USP25: variants seen among roughly 807,000 people sequenced by gnomAD.
USP25 encodes ubiquitin carboxyl-terminal hydrolase 25.
In USP25, 85 loss-of-function variants were observed where a neutral mutation model predicts 158.5. That is an observed-to-expected ratio of 0.54 (90% CI 0.45 to 0.64). The LOEUF is 0.64. USP25 is among the 30% of genes least tolerant of loss of function. USP25 has a pLI of 0.00. For missense variants in USP25, 1,242 were observed against 1,327.3 expected (o/e 0.94, Z 1.00); for synonymous variants, 464 against 460.4 (o/e 1.01, Z -0.10).
At chr21:15,764,009 A>C (rs1204725057) in intron 2 of USP25, among the ~76,000 whole-genome samples, 1 of 152,090 alleles carries the variant, frequency 6.6e-6, no homozygotes, top group Non-Finnish European at 1.5e-5. Context: ...TGCCACACTT[A>C]ATTTATGCTT....
chr21:15,809,759 T>C (rs1365335222), intron 8 of USP25, among the ~76,000 whole-genome samples: 1 of 152,150 alleles, frequency 6.6e-6, no homozygotes, highest in Non-Finnish European at 1.5e-5. Context: ...CAAATGTCCA[T>C]TGATAGGTGA....
rs1281288553 is a variant in USP25 at position 15,814,695 on chromosome 21, C to T, written c.931+3485C>T. 1.1e-4 allele frequency among the ~76,000 whole-genome samples: 16 copies of T among 152,076 alleles called. No individual in the cohort carries two copies. The East Asian group carries it at 1.2e-3, about 11-fold the overall frequency. On this transcript the variant is annotated intron_variant, in intron 9 of 25. Transcript: ENST00000400183. ...ACTTGAGAGAGATGATTTAAGATAT[C>T]GGTGGAAGAAATTTCTAAGCAGCAA...
At chr21:15,786,320 A>G (rs2035269963) in intron 4 of USP25, among the ~76,000 whole-genome samples, 1 of 152,158 alleles carries the variant, frequency 6.6e-6, no homozygotes, top group Admixed American at 6.5e-5. Flanking sequence ...CAAAAACTAG[A>G]CAAGGACACA....
chr21:15,804,234 A>G (rs1207472517), intron 6 of USP25, among the ~76,000 whole-genome samples: 1 of 151,858 alleles, frequency 6.6e-6, no homozygotes, highest in African/African-American at 2.4e-5. Context: ...TGCTTTGTGT[A>G]GTAAAAAGTT....
At chr21:15,830,207 A>G (rs1352889783) in intron 14 of USP25, among the ~76,000 whole-genome samples, 1 of 152,172 alleles carries the variant, frequency 6.6e-6, no homozygotes, top group East Asian at 1.9e-4. Context: ...TACTTGTGTT[A>G]TAGCAATATG....
intron 22 of USP25, among the ~76,000 whole-genome samples, chr21:15,868,992 C>A (rs974351661): frequency 3.9e-5 from 6 of 152,084 alleles, no homozygotes; most frequent in Non-Finnish European, 7.4e-5. Flanking sequence ...TGCTTATAAT[C>A]CCAGCACTTT....
chr21:15,811,227 A>G lies in USP25; in HGVS notation c.931+17A>G, dbSNP rs1432768243. ...TACTTGAAGGTAGAGTTATACATTT[A>G]CTTTTTATTGCAAGTGAAGAGAGAT... is the stretch of plus-strand genomic sequence containing the variant. On this transcript the variant is annotated intron_variant, in intron 9 of 25. Transcript: ENST00000400183. 1.3e-6 allele frequency: 2 copies of G among 1,591,222 alleles called. No individual in the cohort carries two copies. The highest frequency in any genetic ancestry group is 1.7e-6 in the Non-Finnish European group (2 of 1,167,616).
At chr21:15,860,973 T>TAG (rs376765181) in intron 20 of USP25, among the ~76,000 whole-genome samples, 5,789 of 142,308 alleles carry the variant, frequency 0.041, 125 homozygotes, top group Admixed American at 0.077. Context: ...TATATATATA[T>TAG]ATAGAGAGAG....
intron 10 of USP25, among the ~76,000 whole-genome samples, chr21:15,821,332 G>A (rs545578960): frequency 2.6e-5 from 4 of 152,022 alleles, no homozygotes; most frequent in Non-Finnish European, 5.9e-5. Context: ...AAATTAAATT[G>A]ATTTAATTAT....
intron 1 of USP25, among the ~76,000 whole-genome samples, chr21:15,760,769 C>T (rs1232584365): frequency 6.6e-6 from 1 of 152,044 alleles, no homozygotes; most frequent in African/African-American, 2.4e-5. Flanking sequence ...TTTTTCTCCC[C>T]AAACCATTTG....
chr21:15,825,849 A>T (rs920756487), intron 12 of USP25, among the ~76,000 whole-genome samples: 1 of 152,218 alleles, frequency 6.6e-6, no homozygotes, highest in African/African-American at 2.4e-5. Flanking sequence ...AGATAGGAGG[A>T]TAGTACACAT....
chr21:15,833,677 C>A, intron 17 of USP25, 129 bp downstream of exon 17: 1 of 830,304 alleles, frequency 1.2e-6, no homozygotes, highest in Non-Finnish European at 1.9e-6. Context: ...CAAATTCCAT[C>A]ACTCAGATTA....
intron 18 of USP25, among the ~76,000 whole-genome samples, chr21:15,846,938 G>GA (rs527307737): frequency 6.6e-6 from 1 of 151,760 alleles, no homozygotes; most frequent in East Asian, 1.9e-4. Flanking sequence ...ACAATAAAAA[G>GA]AAAAAAAGGA....
chr21:15,756,998 G>A (rs971246100), intron 1 of USP25, among the ~76,000 whole-genome samples: 1 of 152,142 alleles, frequency 6.6e-6, no homozygotes. Context: ...ACCATATTTA[G>A]GACATTTCCA....
chr21:15,821,423 A>G (rs1358206062), intron 10 of USP25, among the ~76,000 whole-genome samples: 2 of 151,976 alleles, frequency 1.3e-5, no homozygotes, highest in Non-Finnish European at 2.9e-5. Flanking sequence ...GGAATGAAGT[A>G]TAGTTAGAAG....
rs2032912034 is a variant in USP25 at position 15,750,353 on chromosome 21, C to T, written c.46-12538C>T. Among the ~76,000 whole-genome samples, 4 of 150,998 alleles carry T rather than the reference C, an allele frequency of 2.6e-5. No homozygotes were observed. The Admixed American group carries it at 2.7e-4, about 10-fold the overall frequency. Reference sequence around the variant, plus strand: ...TTCAAGCAATTCTTCTGTCAGCCTCCTGAGTAGGCTGGACTACAGGTGCAT... The same window carrying T: ...TTCAAGCAATTCTTCTGTCAGCCTCTTGAGTAGGCTGGACTACAGGTGCAT... On this transcript the variant is annotated intron_variant, in intron 1 of 25. Coordinates refer to ENST00000400183, the MANE Select transcript of USP25 (RefSeq NM_001283041.3).
At chr21:15,790,039 A>G (rs1298097481) in intron 4 of USP25, among the ~76,000 whole-genome samples, 2 of 152,040 alleles carry the variant, frequency 1.3e-5, no homozygotes, top group Non-Finnish European at 2.9e-5. Flanking sequence ...CTCCAATAGG[A>G]GAGTCAAGTT....
At chr21:15,778,306 T>C (rs1398315940) in intron 4 of USP25, among the ~76,000 whole-genome samples, 2 of 152,122 alleles carry the variant, frequency 1.3e-5, no homozygotes, top group African/African-American at 2.4e-5. Flanking sequence ...CTAATCTTTT[T>C]TGGATGCACT....
chr21:15,747,551 TTAG>T (rs1421915700), intron 1 of USP25, among the ~76,000 whole-genome samples: 2 of 152,112 alleles, frequency 1.3e-5, no homozygotes, highest in Admixed American at 6.5e-5. Flanking sequence ...AATTTATAAA[TTAG>T]TAGAGACTAA....
Sources: allele counts gnomAD v4.1 joint callset (sites outside exome capture counted in the v4.1 genomes callset), GRCh38; gene constraint gnomAD v4.1.1; transcripts MANE v1.5; gene names NCBI Gene and HGNC (gene_info 2026-07-23, HGNC 2026-07-21).